ATG5: variants seen among roughly 807,000 people sequenced by gnomAD.
The protein encoded by ATG5 is autophagy protein 5.
A neutral mutation model predicts 36.5 loss-of-function variants in ATG5; 14 were observed. The observed-to-expected ratio is 0.38, with a 90% CI of 0.25 to 0.60. The LOEUF is 0.60. ATG5 is among the 20% of genes least tolerant of loss of function. The pLI, the probability that ATG5 is intolerant of heterozygous loss-of-function variation, is 0.60. For missense variants in ATG5, 195 were observed against 326.7 expected (o/e 0.60, Z 3.11); for synonymous variants, 95 against 101.5 (o/e 0.94, Z 0.38).
At chr6:106,213,912 C>G (rs1480188890) in intron 6 of ATG5, among the ~76,000 whole-genome samples, 4 of 151,958 alleles carry the variant, frequency 2.6e-5, no homozygotes, top group African/African-American at 9.7e-5. Context: ...AAACGTAGAA[C>G]CAAGAAAGGT....
rs376181818 is a variant in ATG5 at position 106,186,500 on chromosome 6, C to T, written c.*40G>A. 1.3e-3 allele frequency: 2,088 copies of T among 1,606,486 alleles called. 45 individuals carry two copies. In the South Asian group the frequency reaches 0.022, roughly 17 times the overall value. On this transcript the variant is annotated 3_prime_UTR_variant, in exon 8 of 8. Transcript: ENST00000369076. ...AAAGGGTGACATGCTCTGATAAATC[C>T]CATTTAAGGATGATTCTGTTCAGGC...
chr6:106,308,553 G>A, intron 2 of ATG5, 62 bp from the exon 3 acceptor site: 3 of 1,280,932 alleles, frequency 2.3e-6, no homozygotes, highest in South Asian at 1.8e-5. Context: ...AAAATACTAA[G>A]TAGGTTTTTG....
At chr6:106,250,220 T>G (rs1379903682) in intron 5 of ATG5, among the ~76,000 whole-genome samples, 2 of 152,226 alleles carry the variant, frequency 1.3e-5, no homozygotes, top group Admixed American at 1.3e-4. Flanking sequence ...CTACTGGCAA[T>G]CTATTGATTC....
chr6:106,211,886 T>C (rs1776865111), intron 6 of ATG5, among the ~76,000 whole-genome samples: 1 of 152,242 alleles, frequency 6.6e-6, no homozygotes, highest in Non-Finnish European at 1.5e-5. Flanking sequence ...TCAGCTACTT[T>C]GTGTGTGTGC....
intron 3 of ATG5, among the ~76,000 whole-genome samples, chr6:106,294,269 C>G (rs1780444756): frequency 6.6e-6 from 1 of 152,040 alleles, no homozygotes; most frequent in African/African-American, 2.4e-5. Context: ...AATTTGAAAA[C>G]ACATCAAATT....
At chr6:106,320,262 G>A (rs1355449100) in intron 1 of ATG5, among the ~76,000 whole-genome samples, 1 of 152,186 alleles carries the variant, frequency 6.6e-6, no homozygotes, top group Non-Finnish European at 1.5e-5. Flanking sequence ...CTCTGTGAGA[G>A]TTTTCATGGG....
chr6:106,245,853 CAG>C (rs1778311001), intron 6 of ATG5, among the ~76,000 whole-genome samples: 2 of 151,970 alleles, frequency 1.3e-5, no homozygotes. Context: ...ATTTAACAAA[CAG>C]AATATCACAA....
intron 6 of ATG5, among the ~76,000 whole-genome samples, chr6:106,209,653 T>C (rs922328800): frequency 4.6e-5 from 7 of 152,078 alleles, no homozygotes; most frequent in African/African-American, 1.4e-4. Context: ...TAGAACTAAA[T>C]ACACACACAC....
At chr6:106,289,879 A>G (rs1315649396) in intron 4 of ATG5, among the ~76,000 whole-genome samples, 1 of 152,216 alleles carries the variant, frequency 6.6e-6, no homozygotes, top group Non-Finnish European at 1.5e-5. Context: ...TATGTTCAAT[A>G]TTCTACAATA....
At chr6:106,219,601 G>A (rs535905595) in intron 6 of ATG5, among the ~76,000 whole-genome samples, 1 of 152,026 alleles carries the variant, frequency 6.6e-6, no homozygotes. Flanking sequence ...TATACAAGAG[G>A]GTATGCATAG....
At chr6:106,245,813 TAATC>T (rs974550678) in intron 6 of ATG5, among the ~76,000 whole-genome samples, 1 of 152,156 alleles carries the variant, frequency 6.6e-6, no homozygotes, top group African/African-American at 2.4e-5. Flanking sequence ...TGAAAGGTGT[TAATC>T]AAAATGCTGC....
intron 7 of ATG5, among the ~76,000 whole-genome samples, chr6:106,201,004 T>C (rs987666579): frequency 6.6e-6 from 1 of 152,338 alleles, no homozygotes; most frequent in East Asian, 1.9e-4. Flanking sequence ...AATATTTGCA[T>C]ATAACCTATG....
At chr6:106,262,984 A>G (rs1458107410) in intron 5 of ATG5, among the ~76,000 whole-genome samples, 1 of 152,180 alleles carries the variant, frequency 6.6e-6, no homozygotes. Context: ...CTGGAACCCC[A>G]GAGAGACAGA....
intron 6 of ATG5, among the ~76,000 whole-genome samples, chr6:106,232,399 G>T (rs1760415965): frequency 6.6e-6 from 1 of 152,168 alleles, no homozygotes; most frequent in Non-Finnish European, 1.5e-5. Flanking sequence ...TTGTTAGGGA[G>T]AGACATTCTA....
At chr6:106,305,620 C>T (rs1175717231) in intron 3 of ATG5, among the ~76,000 whole-genome samples, 2 of 152,230 alleles carry the variant, frequency 1.3e-5, no homozygotes, top group Admixed American at 6.5e-5. Context: ...TTTAAAACTC[C>T]GAAGAATAAA....
chr6:106,299,211 T>C (rs1006284532), intron 3 of ATG5, among the ~76,000 whole-genome samples: 1 of 152,228 alleles, frequency 6.6e-6, no homozygotes, highest in African/African-American at 2.4e-5. Context: ...AATGGCATAG[T>C]ATTTGCATAT....
intron 5 of ATG5, among the ~76,000 whole-genome samples, chr6:106,251,633 CAGAGAG>C (rs1193501888): frequency 0.011 from 6 of 562 alleles, no homozygotes; most frequent in South Asian, 0.071. Flanking sequence ...ACACCCTAAT[CAGAGAG>C]AGAGAGAGGG....
At chr6:106,278,756 C>T (rs1779757685) in intron 5 of ATG5, among the ~76,000 whole-genome samples, 1 of 152,068 alleles carries the variant, frequency 6.6e-6, no homozygotes, top group South Asian at 2.1e-4. Context: ...GGGCTTATTG[C>T]TGGAGACAAG....
At chr6:106,198,685 G>A (rs538212210) in intron 7 of ATG5, among the ~76,000 whole-genome samples, 94 of 152,048 alleles carry the variant, frequency 6.2e-4, no homozygotes, top group African/African-American at 2.2e-3. Context: ...GCTGAGTCAC[G>A]AGAATCACTT....
Sources: gnomAD v4.1 joint callset for allele counts (sites outside exome capture counted in the v4.1 genomes callset) on GRCh38, gnomAD v4.1.1 for gene constraint, MANE v1.5 for transcripts, NCBI Gene and HGNC (gene_info 2026-07-23, HGNC 2026-07-21) for gene names.